The following AFG3L2 variants were observed in gnomAD, a reference collection of about 807,000 sequenced individuals.
AFG3L2 encodes mitochondrial inner membrane m-AAA protease component AFG3L2.
A neutral mutation model predicts 94.5 loss-of-function variants in AFG3L2; 54 were observed. That is an observed-to-expected ratio of 0.57 (90% confidence interval 0.46 to 0.72). The LOEUF (loss-of-function observed/expected upper bound fraction) is 0.72, where lower values mean the gene tolerates loss of function less well. AFG3L2 is among the 30% of genes least tolerant of loss of function. The pLI, the probability that AFG3L2 is intolerant of heterozygous loss-of-function variation, is 0.00. For missense variants in AFG3L2, 754 were observed against 994.9 expected, an observed-to-expected ratio of 0.76 and a Z score of 3.26; for synonymous variants, 377 against 365.5, an observed-to-expected ratio of 1.03 and a Z score of -0.36.
At chr18:12,364,636 A>G (rs143507323) in intron 5 of AFG3L2, among the ~76,000 whole-genome samples, 41 of 152,292 alleles carry the variant, frequency 2.7e-4, no homozygotes, top group African/African-American at 8.7e-4. Context: ...AAATAGTTTA[A>G]GCTTTTTTTT....
chr18:12,360,104 C>A, intron 6 of AFG3L2, 53 bp from the exon 7 acceptor site: 1 of 1,565,066 alleles, frequency 6.4e-7, no homozygotes. Flanking sequence ...CTAAAAGGTT[C>A]AATTCACTAA....
intron 16 of AFG3L2, among the ~76,000 whole-genome samples, chr18:12,330,146 G>A (rs544569354): frequency 2.0e-5 from 3 of 152,186 alleles, no homozygotes; most frequent in South Asian, 2.1e-4. Flanking sequence ...CCAACAGGGT[G>A]AAACCGTGTC....
At position 12,344,227 on chromosome 18, in the gene AFG3L2, C is replaced by T; in HGVS notation, c.1684G>A (p.Val562Ile). The change falls in exon 14 of 17, where the codon GTT becomes ATT. Residue 562 changes from valine (V) to isoleucine (I), a missense_variant. Around this residue, in one of 4 missense-constraint regions of AFG3L2, gnomAD observed 279 missense variants for 378.6 expected, o/e 0.74. Transcript: ENST00000269143. ...GTCTTCTTCTCCTCAGGCTGCAGAA[C>T]CTGCGTTTTCTTCTCTAAGCCTAAC... Reference protein sequence around the residue: ...VIGGLEKKTQVLQPEEKKTVA... With the variant: ...VIGGLEKKTQILQPEEKKTVA... The T allele has an allele frequency of 6.2e-7, 1 of 1,614,188 alleles. No individual in the cohort carries two copies. The highest frequency in any genetic ancestry group is 1.1e-5 in the South Asian group (1 of 91,084).
In AFG3L2 at chr18:12,358,859, G is replaced by A. The variant is rs1908572790; in HGVS notation, c.837C>T (p.Gly279=). ...YTIRRGPAGI[G]RTGRGMGGLF... ...GTCCGCCCATCCCTCGGCCTGTCCG[G>A]CCAATGCCAGCAGGCCCTCTTCTGA... The change falls in exon 8 of 17, where the codon GGC becomes GGT. Residue 279 remains glycine (G), a synonymous_variant. Transcript: ENST00000269143. The A allele has an allele frequency of 1.2e-6, 2 of 1,614,228 alleles. No individual in the cohort carries two copies. Among genetic ancestry groups the A allele is most frequent in the Non-Finnish European group, 1.7e-6 (2 of 1,180,054 alleles).
At chr18:12,330,168 T>C (rs1407769210) in intron 16 of AFG3L2, among the ~76,000 whole-genome samples, 1 of 151,892 alleles carries the variant, frequency 6.6e-6, no homozygotes, top group African/African-American at 2.4e-5. Flanking sequence ...CTACTAAAAA[T>C]GCAAAAAAAT....
chr18:12,340,922 T>TC, intron 14 of AFG3L2: 1 of 149,068 alleles, frequency 6.7e-6, no homozygotes, highest in Non-Finnish European at 1.5e-5. Context: ...GGCTTTTCTT[T>TC]TTTTTTTTTT....
intron 9 of AFG3L2, among the ~76,000 whole-genome samples, chr18:12,353,960 G>A (rs917009121): frequency 6.6e-6 from 1 of 152,094 alleles, no homozygotes; most frequent in African/African-American, 2.4e-5. Flanking sequence ...CATCCCCAAA[G>A]AGGGGGTGAC....
chr18:12,355,067 A>G (rs188537292), intron 9 of AFG3L2, among the ~76,000 whole-genome samples: 123 of 151,996 alleles, frequency 8.1e-4, no homozygotes, highest in African/African-American at 2.9e-3. Flanking sequence ...AAAATACAAA[A>G]ATTAGCTGGG....
rs186035143 is a variant in AFG3L2, at chr18:12,348,240, C to T, written c.1663+33G>A. On this transcript the variant is annotated intron_variant, in intron 13 of 16. Coordinates refer to ENST00000269143, the MANE Select transcript of AFG3L2 (RefSeq NM_006796.3). ...CCTGGCCTCAAATTCATTTTATCAG[C>T]CTTTCCACTTGAGTTATGTTCAGTT... 5 of 1,555,234 alleles carry T rather than the reference C, an allele frequency of 3.2e-6. No individual in the cohort carries two copies. The East Asian group carries it at 1.1e-4, about 35-fold the overall frequency.
chr18:12,367,166 C>G (rs768869630), intron 4 of AFG3L2, 49 bp from the exon 5 acceptor site: 2 of 1,612,994 alleles, frequency 1.2e-6, no homozygotes, highest in African/African-American at 2.7e-5. Context: ...TTCCACAATA[C>G]GATCTATGCT....
At chr18:12,330,364 A>G (rs1167608344) in intron 16 of AFG3L2, among the ~76,000 whole-genome samples, 1 of 151,728 alleles carries the variant, frequency 6.6e-6, no homozygotes, top group Non-Finnish European at 1.5e-5. Context: ...GAGGCTGTGT[A>G]TGTTCTATAT....
chr18:12,367,036 A>C lies in AFG3L2; in HGVS notation c.481T>G (p.Leu161Val). The change falls in exon 5 of 17, where the codon TTG becomes GTG. Residue 161 changes from leucine to valine, a missense_variant. Leu to Val is a conservative substitution (Grantham distance 32). This residue lies in a region of AFG3L2 where 236 missense variants were observed against 214.0 expected (regional missense o/e 1.10). Transcript: ENST00000269143. ...TCTCTCCCGGATCTCTTGAGCAGCA[A>C]GTAAAACATGACTCCACCCCAGAAC... ...ALFWGGVMFY[L>V]LLKRSGREIT... 6.2e-7 allele frequency: 1 copy of C among 1,614,260 alleles called. No homozygotes were observed. Among genetic ancestry groups the C allele is most frequent in the South Asian group, 1.1e-5 (1 of 91,088 alleles).
intron 15 of AFG3L2, among the ~76,000 whole-genome samples, 154 bp downstream of exon 15, chr18:12,340,047 T>G (rs1598822752): frequency 6.6e-6 from 1 of 152,184 alleles, no homozygotes; most frequent in East Asian, 1.9e-4. Flanking sequence ...CTTCATAAGT[T>G]TTAATTGCTT....
chr18:12,333,394 G>T (rs547614284), intron 16 of AFG3L2, among the ~76,000 whole-genome samples: 1 of 143,484 alleles, frequency 7.0e-6, no homozygotes, highest in South Asian at 2.2e-4. Context: ...GGTCTCACTT[G>T]TCACCCAGGC....
chr18:12,340,792 A>G (rs1907925523), intron 14 of AFG3L2: 1 of 236,266 alleles, frequency 4.2e-6, no homozygotes. Context: ...AAGGGGTTTC[A>G]CCATGTTGGT....
intron 1 of AFG3L2, 70 bp from the exon 2 acceptor site, chr18:12,371,761 G>T: frequency 7.8e-7 from 1 of 1,274,080 alleles, no homozygotes; most frequent in Non-Finnish European, 1.1e-6. Flanking sequence ...TTCATTTCCT[G>T]GTCATAAAGT....
chr18:12,353,202 T>G (rs372075395), intron 9 of AFG3L2, 44 bp from the exon 10 acceptor site: 2 of 1,599,724 alleles, frequency 1.3e-6, no homozygotes, highest in African/African-American at 1.3e-5. Flanking sequence ...GAGAATATTA[T>G]GTATTCTCTG....
chr18:12,370,885 C>CT lies in AFG3L2; in HGVS notation c.255dup (p.Ala86SerfsTer2). The CT allele has an allele frequency of 1.9e-6, 3 of 1,587,046 alleles. No individual in the cohort carries two copies. The highest frequency in any genetic ancestry group is 2.6e-6 in the Non-Finnish European group (3 of 1,158,510). ...CCCATAACTTCTTTAGGTTCACTAG[C>CT]TTTTTTTCCATTTTTTCCATTAGGA... On this transcript the variant is annotated frameshift_variant, in exon 3 of 17. Transcript: ENST00000269143. LOFTEE classifies it high-confidence loss of function.
chr18:12,351,023 C>T (rs1908297654), intron 12 of AFG3L2, 62 bp downstream of exon 12: 1 of 1,599,446 alleles, frequency 6.3e-7, no homozygotes, highest in Non-Finnish European at 8.6e-7. Flanking sequence ...TAAACCGGTA[C>T]CTGGTAACTG....
Sources: allele counts gnomAD v4.1 joint callset (sites outside exome capture counted in the v4.1 genomes callset), GRCh38; gene constraint gnomAD v4.1.1; regional missense constraint gnomAD v4.1.1; transcripts MANE v1.5; gene names NCBI Gene and HGNC (gene_info 2026-07-23, HGNC 2026-07-21).